HBS1L: variants seen among roughly 807,000 people sequenced by gnomAD.
HBS1L encodes the protein HBS1 like translational GTPase, also known as HBS1-like protein.
HBS1L carries 55 observed loss-of-function variants against 88.9 expected under a neutral mutation model. The observed-to-expected ratio is 0.62, with a 90% CI of 0.50 to 0.77. The LOEUF (loss-of-function observed/expected upper bound fraction) is 0.77. HBS1L is among the 30% of genes least tolerant of loss of function. The probability of loss-of-function intolerance (pLI) is 0.00; values close to 1 mark genes in which losing one functional copy is unlikely to be tolerated. For synonymous variants in HBS1L, 267 were observed against 288.5 expected (o/e 0.93, Z 0.76); for missense variants, 741 against 829.3 (o/e 0.89, Z 1.31).
chr6:135,019,843 T>C (rs1776022817), intron 4 of HBS1L, among the ~76,000 whole-genome samples: 1 of 151,888 alleles, frequency 6.6e-6, no homozygotes, highest in Admixed American at 6.6e-5. Context: ...AACTCCATAG[T>C]AACAAATATA....
At position 134,981,017 on chromosome 6, in the gene HBS1L, A is replaced by C. The variant is rs11963637; in HGVS notation, c.1597+1441T>G. On this transcript the variant is annotated intron_variant, in intron 13 of 17. Transcript: ENST00000367837. ...GGCTTCTGATAAGACTTACACTGAT[A>C]AAAGATAATACTTTAGAGTTTCTCT... is the stretch of plus-strand genomic sequence containing the variant. 5.4e-4 allele frequency among the ~76,000 whole-genome samples: 82 copies of C among 152,054 alleles called. 1 individual carries two copies. Among genetic ancestry groups the C allele is most frequent in the African/African-American group, 1.8e-3 (76 of 41,556 alleles).
At chr6:134,986,426 G>A (rs1774981148) in intron 10 of HBS1L, among the ~76,000 whole-genome samples, 1 of 152,036 alleles carries the variant, frequency 6.6e-6, no homozygotes, top group South Asian at 2.1e-4. Flanking sequence ...TACTACAGAT[G>A]CTTGCTGGAC....
rs555896193 is a variant in HBS1L, at chr6:134,989,189, T to C, written c.1084-1398A>G. Among the ~76,000 whole-genome samples, 20 of 152,356 alleles carry C rather than the reference T, an allele frequency of 1.3e-4. 1 individual carries two copies. Among genetic ancestry groups the C allele is most frequent in the African/African-American group, 3.4e-4 (14 of 41,596 alleles). On this transcript the variant is annotated intron_variant, in intron 8 of 17. Coordinates refer to ENST00000367837, the MANE Select transcript of HBS1L (RefSeq NM_006620.4). ...GTGCAATAGACAGTTTGTGCAACCA[T>C]AGAAGTTCTTCCTTTTCATTCTTAT...
chr6:134,989,025 A>G (rs1775058876), intron 8 of HBS1L, among the ~76,000 whole-genome samples: 1 of 152,200 alleles, frequency 6.6e-6, no homozygotes, highest in Admixed American at 6.5e-5. Context: ...TCAGACTCAA[A>G]TTACACACCC....
intron 4 of HBS1L, chr6:135,035,937 C>A (rs1461512661): frequency 1.7e-6 from 1 of 586,164 alleles, no homozygotes; most frequent in Admixed American, 6.4e-5. Context: ...AAATAATTCA[C>A]ATATTAATCC....
At chr6:135,000,901 T>C (rs1013793004) in intron 5 of HBS1L, among the ~76,000 whole-genome samples, 5 of 152,226 alleles carry the variant, frequency 3.3e-5, no homozygotes, top group African/African-American at 9.6e-5. Flanking sequence ...TGTTTCTATA[T>C]GCTTTCTTAA....
At chr6:135,030,420 C>T (rs1452951500) in intron 4 of HBS1L, among the ~76,000 whole-genome samples, 2 of 152,034 alleles carry the variant, frequency 1.3e-5, no homozygotes, top group Non-Finnish European at 2.9e-5. Context: ...AGAAAAAAGG[C>T]AAGCACTATA....
At chr6:135,018,859 T>G (rs1413356746) in intron 4 of HBS1L, among the ~76,000 whole-genome samples, 1 of 151,890 alleles carries the variant, frequency 6.6e-6, no homozygotes, top group Non-Finnish European at 1.5e-5. Flanking sequence ...TATCCCAAAC[T>G]CTCTCTGAGA....
Position 134,960,999 on chromosome 6 carries a change from A to G in HBS1L, c.*4280T>C, listed in dbSNP as rs111288345. The G allele has an allele frequency of 6.8e-6, 1 of 146,248 alleles. No homozygotes were observed. The highest frequency in any genetic ancestry group is 2.5e-5 in the African/African-American group (1 of 39,456). The allele number at this position is 146,248 out of a possible 1,614,324, so 9.1% of individuals were successfully genotyped here. The stretch of plus-strand genomic sequence containing the variant: ...GTCTACATTTTAAAGATAAAAACCT[A>G]TTTTCATTTACTGTAATAATCACAA... On this transcript the variant is annotated 3_prime_UTR_variant, in exon 18 of 18. Transcript: ENST00000367837.
intron 4 of HBS1L, among the ~76,000 whole-genome samples, chr6:135,011,633 G>A (rs781513273): frequency 3.3e-5 from 5 of 151,984 alleles, no homozygotes; most frequent in Non-Finnish European, 5.9e-5. Context: ...GGCTGGGCGC[G>A]GTGGCTCACA....
At chr6:135,039,458 A>G in intron 4 of HBS1L, 115 bp downstream of exon 4, 2 of 848,450 alleles carry the variant, frequency 2.4e-6, no homozygotes, top group Non-Finnish European at 1.9e-6. Flanking sequence ...AATAACATGC[A>G]AGATTTTAAT....
intron 4 of HBS1L, among the ~76,000 whole-genome samples, chr6:135,005,419 G>A (rs1245602036): frequency 6.6e-6 from 1 of 152,226 alleles, no homozygotes; most frequent in Non-Finnish European, 1.5e-5. Context: ...GTCGATTACA[G>A]GGAACTGCTC....
chr6:135,045,693 G>A (rs897769820), intron 2 of HBS1L, among the ~76,000 whole-genome samples: 1 of 152,164 alleles, frequency 6.6e-6, no homozygotes, highest in African/African-American at 2.4e-5. Flanking sequence ...AAATTAGCTA[G>A]GCGTGGTGGC....
At chr6:135,032,325 C>T (rs936415821) in intron 4 of HBS1L, among the ~76,000 whole-genome samples, 1 of 150,708 alleles carries the variant, frequency 6.6e-6, no homozygotes, top group Non-Finnish European at 1.5e-5. Context: ...GTAGCTTTTA[C>T]AAAATATATA....
intron 5 of HBS1L, 71 bp from the exon 6 acceptor site, chr6:134,997,727 G>T (rs1191560433): frequency 1.4e-6 from 2 of 1,383,284 alleles, no homozygotes; most frequent in East Asian, 2.3e-5. Flanking sequence ...CAGAAGGGCA[G>T]AGAAACTGTT....
intron 4 of HBS1L, among the ~76,000 whole-genome samples, chr6:135,031,362 T>C (rs1776378785): frequency 6.6e-6 from 1 of 152,134 alleles, no homozygotes; most frequent in Non-Finnish European, 1.5e-5. Flanking sequence ...ATTAATTCAG[T>C]GTTCGTAGTG....
rs140900937 is a variant in HBS1L, at chr6:134,971,618, A to G, written c.1798-2280T>C. Among the ~76,000 whole-genome samples the G allele has an allele frequency of 5.5e-3, 834 of 152,328 alleles. 8 individuals carry two copies. The highest frequency in any genetic ancestry group is 0.017 in the African/African-American group (701 of 41,564). On this transcript the variant is annotated intron_variant, in intron 15 of 17. Coordinates refer to ENST00000367837, the MANE Select transcript of HBS1L (RefSeq NM_006620.4). ...TTGCAAATAGTAGCTCAAACAAATT[A>G]TCACACGAAAATAACAGAGGGAAGT... is the stretch of plus-strand genomic sequence containing the variant.
At chr6:135,028,631 T>A (rs191991068) in intron 4 of HBS1L, among the ~76,000 whole-genome samples, 1 of 152,162 alleles carries the variant, frequency 6.6e-6, no homozygotes. Context: ...ATTTTATGAA[T>A]AGATGAAACC....
At chr6:135,035,288 A>T (rs1316511017) in intron 4 of HBS1L, among the ~76,000 whole-genome samples, 1 of 151,944 alleles carries the variant, frequency 6.6e-6, no homozygotes, top group African/African-American at 2.4e-5. Context: ...CGTCTCTACT[A>T]AAAATACAAA....
Sources: allele counts gnomAD v4.1 joint callset (sites outside exome capture counted in the v4.1 genomes callset), GRCh38; gene constraint gnomAD v4.1.1; transcripts MANE v1.5; gene names NCBI Gene and HGNC (gene_info 2026-07-23, HGNC 2026-07-21).